RYR1: variants seen among roughly 807,000 people sequenced by gnomAD.
RYR1 encodes the protein ryanodine receptor 1, also known as central core disease of muscle.
In RYR1, 342 loss-of-function variants were observed where a neutral mutation model predicts 583.5. The ratio of observed to expected loss-of-function variants is 0.59; its 90% CI spans 0.54 to 0.64. The LOEUF is 0.64. Ranked by LOEUF, RYR1 falls within the 30% of genes least tolerant of loss-of-function variation. RYR1 has a pLI of 0.00. For missense variants in RYR1, 6,032 were observed against 6,917.2 expected, an observed-to-expected ratio of 0.87 and a Z score of 4.54; for synonymous variants, 2,791 against 2,822.5, an observed-to-expected ratio of 0.99 and a Z score of 0.35.
intron 101 of RYR1, among the ~76,000 whole-genome samples, chr19:38,583,649 C>G (rs1005810414): frequency 2.6e-5 from 4 of 152,070 alleles, no homozygotes; most frequent in African/African-American, 9.7e-5. Flanking sequence ...CTGGGTCTAA[C>G]CGCAAACCCT....
intron 76 of RYR1, 45 bp from the exon 77 acceptor site, chr19:38,532,445 G>T (rs1339832308): frequency 1.2e-6 from 2 of 1,603,052 alleles, no homozygotes; most frequent in Admixed American, 1.7e-5. Context: ...TAAGATGGGG[G>T]TCCTCTCCAC....
chr19:38,496,250 C>T lies in RYR1; in HGVS notation c.6584C>T (p.Pro2195Leu), dbSNP rs772003357. The T allele has an allele frequency of 1.9e-6, 3 of 1,613,788 alleles. No homozygotes were observed. The highest frequency in any genetic ancestry group is 1.7e-6 in the Non-Finnish European group (2 of 1,180,026). Reference protein sequence around the residue: ...IMNNKVFYQHPNLMRALGMHE... With the variant: ...IMNNKVFYQHLNLMRALGMHE... ...AACAACAAAGTCTTCTACCAACACCCGAACCTGATGAGGGCGCTGGGCATG... is the reference window on the plus strand; with the variant it reads ...AACAACAAAGTCTTCTACCAACACCTGAACCTGATGAGGGCGCTGGGCATG... Residue 2195 changes from proline (P) to leucine (L), a missense_variant, in exon 40 of 106, where the codon CCG (proline) becomes CTG (leucine). Coordinates refer to ENST00000359596, the MANE Select transcript of RYR1 (RefSeq NM_000540.3). The surrounding 1 kb of genome is among the most constrained non-coding windows in gnomAD (Gnocchi z 4.8).
At position 38,528,584 on chromosome 19, in the gene RYR1, A is replaced by G. The variant is rs761744307; in HGVS notation, c.10938-15A>G. The G allele has an allele frequency of 6.2e-7, 1 of 1,613,692 alleles. No homozygotes were observed. Among genetic ancestry groups the G allele is most frequent in the South Asian group, 1.1e-5 (1 of 91,056 alleles). On this transcript the variant is annotated splice_polypyrimidine_tract_variant and intron_variant, in intron 74 of 105. Coordinates refer to ENST00000359596, the MANE Select transcript of RYR1 (RefSeq NM_000540.3). The stretch of plus-strand genomic sequence containing the variant: ...GGAGGGCGCGTCCCAGTGACGTCAC[A>G]CCTCTCCCCTGCAGGCACCGGGCAT...
In RYR1 at chr19:38,565,170, C is replaced by CGGCGG; in HGVS notation, c.12840_12844dup (p.Leu4282ArgfsTer61). On this transcript the variant is annotated frameshift_variant, in exon 91 of 106. Coordinates refer to ENST00000359596, the MANE Select transcript of RYR1 (RefSeq NM_000540.3). LOFTEE classifies it high-confidence loss of function. This position sits in a 1 kb window ranked among gnomAD's most constrained non-coding sequence, Gnocchi z 4.7. ...GGCGCGGAAGGCGCGGAGGAGGGCG[C>CGGCGG]GGCGGGGCTCGAGGGCACGGCGGCC... The CGGCGG allele has an allele frequency of 7.3e-7, 1 of 1,368,550 alleles. No homozygotes were observed. Among genetic ancestry groups the CGGCGG allele is most frequent in the South Asian group, 1.5e-5 (1 of 67,358 alleles). 84.8% of individuals were successfully genotyped at this position (1,368,550 alleles called of 1,614,324 possible). A position where few individuals can be genotyped will look rare whatever the true frequency, so the allele number is the denominator to read the frequency against.
At chr19:38,572,415 G>A in intron 95 of RYR1, 145 bp downstream of exon 95, 1 of 1,016,690 alleles carries the variant, frequency 9.8e-7, no homozygotes, top group Non-Finnish European at 1.4e-6. Context: ...TGGGGAACTG[G>A]GTACAGGATT....
chr19:38,564,414 A>G (rs1429970554), intron 90 of RYR1, among the ~76,000 whole-genome samples: 1 of 152,070 alleles, frequency 6.6e-6, no homozygotes, highest in Non-Finnish European at 1.5e-5. Context: ...AATCCCAGCT[A>G]CTCAGGAGGC....
chr19:38,456,784 C>T (rs1158492253), intron 16 of RYR1, among the ~76,000 whole-genome samples: 3 of 151,254 alleles, frequency 2.0e-5, no homozygotes, highest in Admixed American at 6.6e-5. Flanking sequence ...TGGTGGCTCA[C>T]GCCTGTAATC....
At chr19:38,461,736 A>G (rs1484699446) in intron 20 of RYR1, among the ~76,000 whole-genome samples, 1 of 142,400 alleles carries the variant, frequency 7.0e-6, no homozygotes, top group African/African-American at 2.6e-5. Context: ...AAAAAAAAAA[A>G]AAAAGAAAGG....
chr19:38,446,449 C>G, intron 7 of RYR1, 23 bp from the exon 8 acceptor site: 1 of 1,595,960 alleles, frequency 6.3e-7, no homozygotes, highest in East Asian at 2.2e-5. Context: ...TCCCATTGAC[C>G]AACTTCCCTT....
chr19:38,528,054 C>T (rs1971554099), intron 73 of RYR1: 2 of 622,036 alleles, frequency 3.2e-6, no homozygotes, highest in East Asian at 2.7e-5. Context: ...GTGGGCAGGG[C>T]CTTGGGTGGG....
At chr19:38,468,395 C>A (rs1393992129) in intron 25 of RYR1, among the ~76,000 whole-genome samples, 1 of 152,236 alleles carries the variant, frequency 6.6e-6, no homozygotes, top group African/African-American at 2.4e-5. Context: ...GCCCATCCAA[C>A]AACCATTTAT....
intron 27 of RYR1, among the ~76,000 whole-genome samples, chr19:38,472,062 T>G (rs1283677291): frequency 1.3e-5 from 2 of 152,052 alleles, no homozygotes; most frequent in Non-Finnish European, 2.9e-5. Flanking sequence ...CTTTCATTGT[T>G]TACCGAGTCT....
Position 38,517,213 on chromosome 19 carries a change from G to A in RYR1, c.9686-146G>A, listed in dbSNP as rs79817401. 80,941 of 835,530 alleles carry A rather than the reference G, an allele frequency of 0.097. 5,057 individuals carry two copies. Among genetic ancestry groups the A allele is most frequent in the South Asian group, 0.22 (14,643 of 65,452 alleles). 51.8% of individuals were successfully genotyped at this position (835,530 alleles called of 1,614,324 possible). A position where few individuals can be genotyped will look rare whatever the true frequency, so the allele number is the denominator to read the frequency against. ...AGGGTTGGGAGAGGTAGTTGGGTTG[G>A]AGGGTGAGATGGGAAGAATAGGGTT... On this transcript the variant is annotated intron_variant, in intron 65 of 105. Coordinates refer to ENST00000359596, the MANE Select transcript of RYR1 (RefSeq NM_000540.3).
At position 38,496,483 on chromosome 19, in the gene RYR1, C is replaced by T. The variant is rs1969832717; in HGVS notation, c.6738C>T (p.Asn2246=). The T allele has an allele frequency of 1.2e-6, 2 of 1,613,684 alleles. No homozygotes were observed. The highest frequency in any genetic ancestry group is 4.5e-5 in the East Asian group (2 of 44,878). The change falls in exon 41 of 106, where the codon AAC becomes AAT. Residue 2246 remains asparagine, a synonymous_variant. Transcript: ENST00000359596. The surrounding 1 kb of genome is among the most constrained non-coding windows in gnomAD (Gnocchi z 4.8). ...ATTTCTGCCGAATCAGCCGGCAGAA[C>T]CAGCGCTCCATGTTTGACCACCTGA... ...LCYFCRISRQ[N]QRSMFDHLSY...
At position 38,500,164 on chromosome 19, in the gene RYR1, C is replaced by A; in HGVS notation, c.7323+148C>A. 1.3e-6 allele frequency: 1 copy of A among 766,256 alleles called. No individual in the cohort carries two copies. Among genetic ancestry groups the A allele is most frequent in the Non-Finnish European group, 2.2e-6 (1 of 447,466 alleles). 47.5% of individuals were successfully genotyped at this position (766,256 alleles called of 1,614,324 possible). A position where few individuals can be genotyped will look rare whatever the true frequency, so the allele number is the denominator to read the frequency against. On this transcript the variant is annotated intron_variant, in intron 45 of 105. Coordinates refer to ENST00000359596, the MANE Select transcript of RYR1 (RefSeq NM_000540.3). The surrounding 1 kb of genome is among the most constrained non-coding windows in gnomAD (Gnocchi z 5.9). ...GTTGGGGACACAACAGTGACCAAGACAGCCCCAGGGCCTGGTCTCACAGAG... is the reference window on the plus strand; with the variant it reads ...GTTGGGGACACAACAGTGACCAAGAAAGCCCCAGGGCCTGGTCTCACAGAG...
Position 38,466,162 on chromosome 19 carries a change from C to A in RYR1, c.2942C>A (p.Thr981Lys), listed in dbSNP as rs541750731. Residue 981 changes from threonine (T) to lysine (K), a missense_variant, in exon 24 of 106, where the codon ACG becomes AAG. Physicochemically the swap from Thr to Lys is moderately conservative, Grantham distance 78 (BLOSUM62 -1). Transcript: ENST00000359596. ...LSHVRLTPAQ[T>K]TLVDRLAENG... ...CACGTGCGGCTGACGCCGGCGCAGA[C>A]GACACTGGTGGACCGTCTGGCAGAA... 1 of 1,613,578 alleles carries A rather than the reference C, an allele frequency of 6.2e-7. No individual in the cohort carries two copies. Among genetic ancestry groups the A allele is most frequent in the Non-Finnish European group, 8.5e-7 (1 of 1,179,950 alleles).
Position 38,565,399 on chromosome 19 carries a change from G to C in RYR1, c.13065G>C (p.Leu4355=). 1 of 1,439,868 alleles carries C rather than the reference G, an allele frequency of 6.9e-7. No homozygotes were observed. The allele number at this position is 1,439,868 out of a possible 1,614,324, so 89.2% of individuals were successfully genotyped here. The stretch of plus-strand genomic sequence containing the variant: ...GCGCGGGGGCGGCGGCGGGCGCGCT[G>C]GGCCTGCTCTGGGGCTCGCTGTTCG... ...AAGAGAAAGA[L]GLLWGSLFGG... is the part of the protein sequence containing the mutation. Residue 4355 remains leucine (L), a synonymous_variant, in exon 91 of 106, where the codon CTG becomes CTC. Transcript: ENST00000359596. The surrounding 1 kb of genome is among the most constrained non-coding windows in gnomAD (Gnocchi z 4.7).
At chr19:38,478,376 T>C (rs539159354) in intron 30 of RYR1, 59 bp from the exon 31 acceptor site, 108 of 1,586,192 alleles carry the variant, frequency 6.8e-5, no homozygotes, top group South Asian at 1.2e-4. Context: ...GGGAAGGGGG[T>C]GTCCAGGGTC....
At position 38,584,948 on chromosome 19, in the gene RYR1, C is replaced by T; in HGVS notation, c.14652C>T (p.Tyr4884=). ...DMKCDDMMTC[Y]LFHMYVGVRA... ...AGTGTGCTCCCCTCCCTCAGTGTTA[C>T]CTGTTTCACATGTACGTGGGTGTCC... Residue 4884 remains tyrosine, a synonymous_variant, in exon 102 of 106, where the codon TAC becomes TAT. Transcript: ENST00000359596. 2 of 1,613,876 alleles carry T rather than the reference C, an allele frequency of 1.2e-6. No homozygotes were observed. The highest frequency in any genetic ancestry group is 8.5e-7 in the Non-Finnish European group (1 of 1,179,904).
Sources: gnomAD v4.1 joint callset for allele counts (sites outside exome capture counted in the v4.1 genomes callset) on GRCh38, gnomAD v4.1.1 for gene constraint, Gnocchi (gnomAD v3.1) non-coding constraint, MANE v1.5 for transcripts, NCBI Gene and HGNC (gene_info 2026-07-23, HGNC 2026-07-21) for gene names.